Variants in TNS1 observed in about 807,000 individuals in gnomAD.
TNS1 encodes the protein tensin 1, also known as tensin-1.
TNS1 carries 62 observed loss-of-function variants against 168.6 expected under a neutral mutation model. The ratio of observed to expected loss-of-function variants is 0.37; its 90% CI spans 0.30 to 0.45. The LOEUF (loss-of-function observed/expected upper bound fraction) is 0.45, where lower values mean the gene tolerates loss of function less well. Ranked by LOEUF, TNS1 falls within the 20% of genes least tolerant of loss-of-function variation. TNS1 has a pLI of 1.00. For missense variants in TNS1, 2,240 were observed against 2,339.4 expected (o/e 0.96, Z 0.88); for synonymous variants, 934 against 933.2 (o/e 1.00, Z -0.02).
At chr2:217,980,128 C>T (rs200605174) in intron 2 of TNS1, among the ~76,000 whole-genome samples, 2 of 152,124 alleles carry the variant, frequency 1.3e-5, no homozygotes, top group East Asian at 3.9e-4. Flanking sequence ...CTGGCCCTAA[C>T]ATGGGATCTT....
intron 6 of TNS1, chr2:217,903,724 C>A: frequency 1.1e-6 from 1 of 902,236 alleles, no homozygotes; most frequent in South Asian, 1.5e-5. Context: ...TAACCCTCAT[C>A]CTTCCTGCTG....
intron 22 of TNS1, among the ~76,000 whole-genome samples, chr2:217,824,917 G>A (rs987235774): frequency 2.6e-5 from 4 of 152,038 alleles, no homozygotes; most frequent in Non-Finnish European, 4.4e-5. Flanking sequence ...TCTGTGTGCC[G>A]AGCCCTCACA....
Position 217,859,832 on chromosome 2 carries a change from T to C in TNS1, c.1430-10745A>G, listed in dbSNP as rs114902429. On this transcript the variant is annotated intron_variant, in intron 18 of 32. Transcript: ENST00000682258. The stretch of plus-strand genomic sequence containing the variant: ...AACGGCCCTCAAGTTCCCACCATTA[T>C]CCTGATGTGCCCTGGAAAGTGCCAG... 6.7e-4 allele frequency: 450 copies of C among 673,170 alleles called. 1 individual carries two copies. The highest frequency in any genetic ancestry group is 3.6e-3 in the South Asian group (194 of 54,538). 41.7% of individuals were successfully genotyped at this position (673,170 alleles called of 1,614,324 possible).
chr2:218,014,917 AAG>A (rs1958743608), upstream of TNS1, among the ~76,000 whole-genome samples: 1 of 76,592 alleles, frequency 1.3e-5, no homozygotes, highest in African/African-American at 4.5e-5. Context: ...GGAAGGAAGG[AAG>A]GAAGGCAGGC....
chr2:217,937,850 T>G (rs1180553502), intron 3 of TNS1, among the ~76,000 whole-genome samples: 1 of 152,050 alleles, frequency 6.6e-6, no homozygotes, highest in Non-Finnish European at 1.5e-5. Context: ...CCCACCCAGA[T>G]GGACCCAGGG....
rs1487241990 is a variant in TNS1 at position 217,948,130 on chromosome 2, C to A, written c.187-27894G>T. On this transcript the variant is annotated intron_variant, in intron 3 of 32. Coordinates refer to ENST00000682258, the MANE Select transcript of TNS1 (RefSeq NM_001387777.1). The surrounding 1 kb of genome is among the most constrained non-coding windows in gnomAD (Gnocchi z 4.1). ...CACCACATCACCCGACTCCCACACT[C>A]AAGGAGCCAGACTCTCAGGTTCTTA... Among the ~76,000 whole-genome samples, 1 of 152,228 alleles carries A rather than the reference C, an allele frequency of 6.6e-6. No homozygotes were observed. The highest frequency in any genetic ancestry group is 2.1e-4 in the South Asian group (1 of 4,836).
At chr2:217,975,439 G>T (rs2126039031) in intron 3 of TNS1, among the ~76,000 whole-genome samples, 1 of 152,252 alleles carries the variant, frequency 6.6e-6, no homozygotes, top group African/African-American at 2.4e-5. Context: ...GCCCCTGTCA[G>T]AACTATCGCT....
intron 3 of TNS1, among the ~76,000 whole-genome samples, chr2:217,958,944 G>A (rs1957430543): frequency 6.6e-6 from 1 of 152,236 alleles, no homozygotes; most frequent in African/African-American, 2.4e-5. Flanking sequence ...TCCGCAGCCA[G>A]TTTTCATGGC....
intron 32 of TNS1, among the ~76,000 whole-genome samples, chr2:217,806,168 C>A (rs529611737): frequency 1.3e-5 from 2 of 152,316 alleles, no homozygotes; most frequent in African/African-American, 4.8e-5. Context: ...ACTGGAGCAC[C>A]GAGCCTGCCC....
At chr2:217,965,171 T>C (rs1957595026) in intron 3 of TNS1, among the ~76,000 whole-genome samples, 1 of 152,166 alleles carries the variant, frequency 6.6e-6, no homozygotes. Context: ...CTTAGCTGTT[T>C]GTTATTTCTG....
chr2:217,990,317 G>C (rs13033896), intron 2 of TNS1, among the ~76,000 whole-genome samples: 3 of 92,614 alleles, frequency 3.2e-5, no homozygotes, highest in African/African-American at 8.6e-5. Flanking sequence ...AACACACCCT[G>C]ACCACGACCT....
intron 18 of TNS1, chr2:217,849,724 C>A (rs1256047597): frequency 1.0e-6 from 1 of 985,414 alleles, no homozygotes. Flanking sequence ...AGGCAGAATG[C>A]CAGGAGAGTA....
chr2:217,831,587 G>A (rs775281616), intron 21 of TNS1, 40 bp from the exon 22 acceptor site: 8 of 1,420,792 alleles, frequency 5.6e-6, no homozygotes, highest in Non-Finnish European at 6.5e-6. Flanking sequence ...GGAGTGAGAG[G>A]TGGGCAGGAG....
At chr2:217,937,086 A>G in intron 3 of TNS1, 1 of 451,148 alleles carries the variant, frequency 2.2e-6, no homozygotes. Context: ...CTCAAATGGT[A>G]CCTCTTCTCC....
intron 12 of TNS1, among the ~76,000 whole-genome samples, chr2:217,887,469 C>T (rs373399332): frequency 3.9e-5 from 6 of 152,182 alleles, no homozygotes; most frequent in African/African-American, 9.6e-5. Context: ...CCACCATGCC[C>T]GGCTAATTTT....
intron 3 of TNS1, chr2:217,937,300 G>A (rs1382139239): frequency 1.6e-5 from 5 of 315,262 alleles, no homozygotes; most frequent in African/African-American, 4.3e-5. Flanking sequence ...ACAATCCAGC[G>A]GCCCCGTGTG....
chr2:217,961,438 A>T (rs1439344736), intron 3 of TNS1, among the ~76,000 whole-genome samples: 1 of 152,084 alleles, frequency 6.6e-6, no homozygotes, highest in Admixed American at 6.5e-5. Flanking sequence ...TGTCCCCAGG[A>T]GGAGTGAAAA....
At chr2:217,956,192 A>T (rs982228748) in intron 3 of TNS1, among the ~76,000 whole-genome samples, 4 of 152,132 alleles carry the variant, frequency 2.6e-5, no homozygotes, top group Non-Finnish European at 5.9e-5. Context: ...TAATAGAAAC[A>T]GTGTCTTGCT....
chr2:217,818,584 T>C lies in TNS1; in HGVS notation c.3748A>G (p.Ser1250Gly). 6.2e-7 allele frequency: 1 copy of C among 1,614,220 alleles called. No individual in the cohort carries two copies. Among genetic ancestry groups the C allele is most frequent in the Admixed American group, 1.7e-5 (1 of 60,034 alleles). The change falls in exon 24 of 33, where the codon AGC (serine) becomes GGC (glycine). Residue 1250 changes from serine to glycine, a missense_variant. Around this residue, in one of 2 missense-constraint regions of TNS1, gnomAD observed 2,131 missense variants for 2,171.2 expected, o/e 0.98. Coordinates refer to ENST00000682258, the MANE Select transcript of TNS1 (RefSeq NM_001387777.1). ...PLPTVGSSYS[S>G]PDYSLQHFSS... ...AAATGCTGAAGTGAGTAGTCGGGGC[T>C]GCTGTAGCTACTGCCCACAGTCGGG... is the stretch of plus-strand genomic sequence containing the variant.
Sources: allele counts gnomAD v4.1 joint callset (sites outside exome capture counted in the v4.1 genomes callset), GRCh38; gene constraint gnomAD v4.1.1; regional missense constraint gnomAD v4.1.1; non-coding constraint Gnocchi (gnomAD v3.1); transcripts MANE v1.5; gene names NCBI Gene and HGNC (gene_info 2026-07-23, HGNC 2026-07-21).